The following PTPRM variants were observed in gnomAD, a reference collection of about 807,000 sequenced individuals.
The protein encoded by PTPRM is protein tyrosine phosphatase receptor type M.
A neutral mutation model predicts 186.7 loss-of-function variants in PTPRM; 47 were observed. The observed-to-expected ratio is 0.25, with a 90% CI of 0.20 to 0.32. The LOEUF is 0.32. Ranked by LOEUF, PTPRM falls within the 10% of genes least tolerant of loss-of-function variation. The probability of loss-of-function intolerance (pLI) is 1.00; values close to 1 mark genes in which losing one functional copy is unlikely to be tolerated. For missense variants in PTPRM, 1,494 were observed against 1,865.0 expected, an observed-to-expected ratio of 0.80 and a Z score of 3.66; for synonymous variants, 668 against 674.9, an observed-to-expected ratio of 0.99 and a Z score of 0.16.
chr18:7,672,187 A>T (rs2039232252), intron 1 of PTPRM, among the ~76,000 whole-genome samples: 1 of 152,210 alleles, frequency 6.6e-6, no homozygotes, highest in African/African-American at 2.4e-5. Context: ...AAAGCAAAAT[A>T]TGTGTTTATG....
chr18:8,081,123 C>A (rs1441367146), intron 9 of PTPRM, among the ~76,000 whole-genome samples: 2 of 152,176 alleles, frequency 1.3e-5, no homozygotes. Context: ...TTCCCCTCTT[C>A]TATAACATGC....
chr18:7,941,906 A>G (rs1454223566), intron 5 of PTPRM, among the ~76,000 whole-genome samples: 2 of 152,218 alleles, frequency 1.3e-5, no homozygotes, highest in Non-Finnish European at 2.9e-5. Context: ...GGAGGAAGAA[A>G]AGTAATACCT....
intron 13 of PTPRM, among the ~76,000 whole-genome samples, chr18:8,134,286 C>T (rs913297848): frequency 1.4e-4 from 22 of 152,150 alleles, no homozygotes; most frequent in Non-Finnish European, 8.8e-5. Context: ...TTTACAAATG[C>T]TTCTTGTGTC....
intron 14 of PTPRM, among the ~76,000 whole-genome samples, chr18:8,205,259 A>T (rs2093912107): frequency 6.6e-6 from 1 of 152,220 alleles, no homozygotes; most frequent in Non-Finnish European, 1.5e-5. Context: ...ATTCCTGCAC[A>T]TAAAAGGAAA....
chr18:8,002,017 A>G (rs192523515), intron 7 of PTPRM, among the ~76,000 whole-genome samples: 1 of 152,312 alleles, frequency 6.6e-6, no homozygotes, highest in East Asian at 1.9e-4. Context: ...GTTATTGTTA[A>G]ATGTGGAAAA....
intron 13 of PTPRM, among the ~76,000 whole-genome samples, chr18:8,126,027 A>ATATATATATTTTTTTTT (rs57751538): frequency 2.7e-4 from 19 of 69,530 alleles, no homozygotes; most frequent in Non-Finnish European, 4.0e-4. Context: ...ATATATATAT[A>ATATATATATTTTTTTTT]TTTTAAATCA....
chr18:8,312,339 A>T (rs955686962), intron 20 of PTPRM, among the ~76,000 whole-genome samples: 1 of 152,108 alleles, frequency 6.6e-6, no homozygotes, highest in Non-Finnish European at 1.5e-5. Flanking sequence ...ACAGGGAGCC[A>T]CTGGTTTTAA....
At chr18:8,037,799 G>A (rs1040818632) in intron 7 of PTPRM, among the ~76,000 whole-genome samples, 10 of 152,088 alleles carry the variant, frequency 6.6e-5, no homozygotes, top group Non-Finnish European at 1.5e-4. Context: ...GTCTGAGATC[G>A]TGATGGACTA....
intron 3 of PTPRM, among the ~76,000 whole-genome samples, chr18:7,905,379 A>G (rs960730243): frequency 6.6e-5 from 10 of 152,210 alleles, no homozygotes; most frequent in African/African-American, 2.2e-4. Flanking sequence ...CCAGGCATGT[A>G]GGCCTTTTCC....
At position 7,726,053 on chromosome 18, in the gene PTPRM, G is replaced by A. The variant is rs146043229; in HGVS notation, c.74-48096G>A. On this transcript the variant is annotated intron_variant, in intron 1 of 32. Transcript: ENST00000580170. The stretch of plus-strand genomic sequence containing the variant: ...AGTTCGCTCTTGCTCCTCCCCAAAA[G>A]CGCTCGCCCCAGCTCCTGCACCTGT... Among the ~76,000 whole-genome samples the A allele has an allele frequency of 7.4e-3, 1,122 of 152,228 alleles. 18 individuals are homozygous for A. Among genetic ancestry groups the A allele is most frequent in the African/African-American group, 0.023 (961 of 41,568 alleles).
chr18:8,304,197 C>T (rs773217592), intron 20 of PTPRM, among the ~76,000 whole-genome samples: 8 of 152,088 alleles, frequency 5.3e-5, no homozygotes, highest in Non-Finnish European at 8.8e-5. Context: ...TGTCAATATC[C>T]GTCATGTTTA....
At chr18:8,110,196 C>T (rs549129636) in intron 11 of PTPRM, among the ~76,000 whole-genome samples, 1 of 152,150 alleles carries the variant, frequency 6.6e-6, no homozygotes. Flanking sequence ...TAAACCTTTG[C>T]CCTTCTTCTT....
At chr18:7,726,594 A>C (rs1219074223) in intron 1 of PTPRM, among the ~76,000 whole-genome samples, 1 of 152,136 alleles carries the variant, frequency 6.6e-6, no homozygotes, top group Non-Finnish European at 1.5e-5. Flanking sequence ...TACTAACCAA[A>C]CTAAATATGC....
At chr18:8,283,834 GCTGTTCTTT>G (rs995542389) in intron 19 of PTPRM, among the ~76,000 whole-genome samples, 2 of 151,956 alleles carry the variant, frequency 1.3e-5, no homozygotes, top group Admixed American at 1.3e-4. Flanking sequence ...TGTTGCCCAG[GCTGTTCTTT>G]CTCCTGGCCT....
intron 1 of PTPRM, among the ~76,000 whole-genome samples, chr18:7,728,175 T>G (rs1489975407): frequency 1.3e-5 from 2 of 152,254 alleles, no homozygotes; most frequent in African/African-American, 4.8e-5. Context: ...TGATTCATAC[T>G]TAACAGTATT....
At chr18:7,617,471 C>T (rs1431752470) in intron 1 of PTPRM, among the ~76,000 whole-genome samples, 1 of 152,098 alleles carries the variant, frequency 6.6e-6, no homozygotes, top group African/African-American at 2.4e-5. Flanking sequence ...GCATAACCTC[C>T]CCTTTTTCTT....
At chr18:7,918,524 C>T (rs908773233) in intron 4 of PTPRM, among the ~76,000 whole-genome samples, 21 of 152,036 alleles carry the variant, frequency 1.4e-4, no homozygotes, top group African/African-American at 4.8e-4. Flanking sequence ...TACCTGTTGG[C>T]AATTTTCATG....
At chr18:7,994,470 C>A (rs540644207) in intron 7 of PTPRM, among the ~76,000 whole-genome samples, 3 of 152,122 alleles carry the variant, frequency 2.0e-5, no homozygotes, top group Non-Finnish European at 4.4e-5. Context: ...ACCCTACAGA[C>A]CACATGGACC....
intron 14 of PTPRM, among the ~76,000 whole-genome samples, chr18:8,233,997 A>T (rs373003166): frequency 6.6e-6 from 1 of 152,042 alleles, no homozygotes; most frequent in African/African-American, 2.4e-5. Flanking sequence ...CTCTTATTTC[A>T]CCAATACCAC....
Sources: allele counts gnomAD v4.1 joint callset (sites outside exome capture counted in the v4.1 genomes callset), GRCh38; gene constraint gnomAD v4.1.1; transcripts MANE v1.5; gene names NCBI Gene and HGNC (gene_info 2026-07-23, HGNC 2026-07-21).